The following BLOC1S2 variants were observed in gnomAD, a reference collection of about 807,000 sequenced individuals.
The protein encoded by BLOC1S2 is biogenesis of lysosomal organelles complex 1 subunit 2.
In BLOC1S2, 12 loss-of-function variants were observed where a neutral mutation model predicts 19.6. The ratio of observed to expected loss-of-function variants is 0.61; its 90% CI spans 0.39 to 0.99. The LOEUF (loss-of-function observed/expected upper bound fraction) is 0.99. Ranked by LOEUF, BLOC1S2 falls within the 50% of genes least tolerant of loss-of-function variation. The probability of loss-of-function intolerance (pLI) is 0.00; values close to 1 mark genes in which losing one functional copy is unlikely to be tolerated. For synonymous variants in BLOC1S2, 66 were observed against 64.1 expected, an observed-to-expected ratio of 1.03 and a Z score of -0.14; for missense variants, 142 against 171.0, an observed-to-expected ratio of 0.83 and a Z score of 0.95.
In BLOC1S2 at chr10:100,274,954, T is replaced by C. The variant is rs965775175; in HGVS notation, c.*508A>G. 2.5e-6 allele frequency: 1 copy of C among 398,874 alleles called. No individual in the cohort carries two copies. The highest frequency in any genetic ancestry group is 4.4e-6 in the Non-Finnish European group (1 of 226,116). The allele number at this position is 398,874 out of a possible 1,614,324, so 24.7% of individuals were successfully genotyped here. A position where few individuals can be genotyped will look rare whatever the true frequency, so the allele number is the denominator to read the frequency against. Reference sequence around the variant, plus strand: ...AGATTTTATGTTATTTGCAATATTATGGAAAAGTAAGTTACCGACATTCAC... The same window carrying C: ...AGATTTTATGTTATTTGCAATATTACGGAAAAGTAAGTTACCGACATTCAC... On this transcript the variant is annotated 3_prime_UTR_variant, in exon 5 of 5. Coordinates refer to ENST00000370372, the MANE Select transcript of BLOC1S2 (RefSeq NM_173809.5).
chr10:100,274,272 G>A lies in BLOC1S2; in HGVS notation c.*1190C>T, dbSNP rs1037632110. 6.6e-6 allele frequency: 1 copy of A among 150,454 alleles called. No individual in the cohort carries two copies. Among genetic ancestry groups the A allele is most frequent in the Non-Finnish European group, 1.5e-5 (1 of 68,032 alleles). The allele number at this position is 150,454 out of a possible 1,614,324, so 9.3% of individuals were successfully genotyped here. Reference sequence around the variant, plus strand: ...CTATAAACAAACAAAAAAACACAAGGGACTTGTATGCATAATGAAAGTCTA... The same window carrying A: ...CTATAAACAAACAAAAAAACACAAGAGACTTGTATGCATAATGAAAGTCTA... On this transcript the variant is annotated 3_prime_UTR_variant, in exon 5 of 5. Transcript: ENST00000370372.
At position 100,275,131 on chromosome 10, in the gene BLOC1S2, C is replaced by T. The variant is rs1056489851; in HGVS notation, c.*331G>A. On this transcript the variant is annotated 3_prime_UTR_variant, in exon 5 of 5. Transcript: ENST00000370372. ...TTAAGAAAATAATGTAGTAATCAAC[C>T]ACTACCAGAGAAAATAGGTCCTCTC... The T allele has an allele frequency of 1.0e-4, 42 of 402,922 alleles. No individual in the cohort carries two copies. The highest frequency in any genetic ancestry group is 1.8e-4 in the Non-Finnish European group (42 of 228,516). 25.0% of individuals were successfully genotyped at this position (402,922 alleles called of 1,614,324 possible).
chr10:100,276,317 GTCTCCCTCTCTC>G (rs1564870888), intron 4 of BLOC1S2, among the ~76,000 whole-genome samples: 10 of 78,202 alleles, frequency 1.3e-4, no homozygotes, highest in African/African-American at 2.2e-4. Flanking sequence ...TCCCTCTCCC[GTCTCCCTCTCTC>G]TCTCCCGTCT....
intron 2 of BLOC1S2, among the ~76,000 whole-genome samples, chr10:100,284,569 A>G (rs1848188006): frequency 6.6e-6 from 1 of 152,112 alleles, no homozygotes; most frequent in South Asian, 2.1e-4. Flanking sequence ...ACAGCTCACT[A>G]TAACCTCCAC....
At position 100,273,307 on chromosome 10, in the gene BLOC1S2, G is replaced by T. The variant is rs1847767712; in HGVS notation, c.*2155C>A. 1 of 152,080 alleles carries T rather than the reference G, an allele frequency of 6.6e-6. No individual in the cohort carries two copies. The allele number at this position is 152,080 out of a possible 1,614,324, so 9.4% of individuals were successfully genotyped here. ...GGTGAAGGACATCCCAATAACTCTT[G>T]ATTTAATATTTACACATTATATACA... On this transcript the variant is annotated 3_prime_UTR_variant, in exon 5 of 5. Transcript: ENST00000370372.
chr10:100,280,166 C>T lies in BLOC1S2; in HGVS notation c.355G>A (p.Glu119Lys), dbSNP rs1848067818. The T allele has an allele frequency of 4.3e-6, 7 of 1,613,746 alleles. No homozygotes were observed. The highest frequency in any genetic ancestry group is 5.1e-6 in the Non-Finnish European group (6 of 1,179,794). ...GCATCCAACTTGTAAGCTGCCTGCT[C>T]AAGAGCTGCTACCTGCTCTTCAATG... is the stretch of plus-strand genomic sequence containing the variant. ...NVIEEQVAAL[E>K]QAAYKLDAYS... Residue 119 changes from glutamate to lysine, a missense_variant, in exon 4 of 5, where the codon GAG (glutamate) becomes AAG (lysine). Glu to Lys is a moderately conservative substitution (Grantham distance 56, BLOSUM62 1). This residue lies in a region of BLOC1S2 where 94 missense variants were observed against 141.3 expected (regional missense o/e 0.67). Coordinates refer to ENST00000370372, the MANE Select transcript of BLOC1S2 (RefSeq NM_173809.5).
Position 100,280,224 on chromosome 10 carries a change from A to G in BLOC1S2, c.297T>C (p.Ala99=). The G allele has an allele frequency of 1.9e-6, 3 of 1,601,710 alleles. No individual in the cohort carries two copies. ...RNLKDLNQKY[A]GLQPYLDQIN... ...TCTGATCCAGATAAGGCTGCAGTCC[A>G]GCATCTTTAAAAACAAAGAAAAACT... Residue 99 remains alanine, a synonymous_variant, in exon 4 of 5, where the codon GCT becomes GCC. Transcript: ENST00000370372.
intron 1 of BLOC1S2, 66 bp downstream of exon 1, chr10:100,286,539 C>A: frequency 6.3e-7 from 1 of 1,594,742 alleles, no homozygotes; most frequent in South Asian, 1.1e-5. Flanking sequence ...CACACTCAAC[C>A]TCGCCCACCC....
At chr10:100,286,471 C>G (rs578038639) in intron 1 of BLOC1S2, 134 bp downstream of exon 1, 1 of 1,489,964 alleles carries the variant, frequency 6.7e-7, no homozygotes, top group Non-Finnish European at 9.0e-7. Flanking sequence ...GACAAACACT[C>G]GCGCGCAGCG....
At chr10:100,277,383 C>A (rs1847923330) in intron 4 of BLOC1S2, among the ~76,000 whole-genome samples, 2 of 144,804 alleles carry the variant, frequency 1.4e-5, no homozygotes, top group African/African-American at 5.2e-5. Flanking sequence ...GTGAGGGGCG[C>A]CTCTGCCCGG....
chr10:100,275,362 T>G lies in BLOC1S2; in HGVS notation c.*100A>C, dbSNP rs1436015181. ...CCTGTGATGACCAGCATAATTTCCT[T>G]TTGAGGAATTTTCACAATTCATCAG... is the stretch of plus-strand genomic sequence containing the variant. On this transcript the variant is annotated 3_prime_UTR_variant, in exon 5 of 5. Coordinates refer to ENST00000370372, the MANE Select transcript of BLOC1S2 (RefSeq NM_173809.5). 8.0e-7 allele frequency: 1 copy of G among 1,254,750 alleles called. No individual in the cohort carries two copies. The highest frequency in any genetic ancestry group is 1.1e-6 in the Non-Finnish European group (1 of 892,944). The allele number at this position is 1,254,750 out of a possible 1,614,324, so 77.7% of individuals were successfully genotyped here.
At chr10:100,279,888 A>G (rs983652947) in intron 4 of BLOC1S2, among the ~76,000 whole-genome samples, 2 of 152,218 alleles carry the variant, frequency 1.3e-5, no homozygotes, top group African/African-American at 2.4e-5. Flanking sequence ...CTCAAAAAAA[A>G]CAAACCAAAA....
rs759050926 is a variant in BLOC1S2 at position 100,286,639 on chromosome 10, G to T, written c.21C>A (p.Gly7=). The T allele has an allele frequency of 6.2e-7, 1 of 1,609,562 alleles. No individual in the cohort carries two copies. Among genetic ancestry groups the T allele is most frequent in the East Asian group, 2.2e-5 (1 of 44,802 alleles). ...GCTCATCACTCCGGGTCGCCAGTAC[G>T]CCCTCGGCTGCCGCCGCCATAGCGG... is the stretch of plus-strand genomic sequence containing the variant. The part of the protein sequence containing the change: MAAAAE[G]VLATRSDEPA... Residue 7 remains glycine (G), a synonymous_variant, in exon 1 of 5, where the codon GGC becomes GGA. Coordinates refer to ENST00000370372, the MANE Select transcript of BLOC1S2 (RefSeq NM_173809.5).
Position 100,286,622 on chromosome 10 carries a change from C to T in BLOC1S2, c.38G>A (p.Ser13Asn), listed in dbSNP as rs77802600. The change falls in exon 1 of 5, where the codon AGT (serine) becomes AAT (asparagine). Residue 13 changes from serine (S) to asparagine (N), a missense_variant. Physicochemically the swap from Ser to Asn is conservative, Grantham distance 46. Transcript: ENST00000370372. Reference sequence around the variant, plus strand: ...CCGGGTACCTCGGGCGGGCTCATCACTCCGGGTCGCCAGTACGCCCTCGGC... The same window carrying T: ...CCGGGTACCTCGGGCGGGCTCATCATTCCGGGTCGCCAGTACGCCCTCGGC... ...AAAEGVLATR[S>N]DEPARDDAAV... 1 of 1,612,636 alleles carries T rather than the reference C, an allele frequency of 6.2e-7. No individual in the cohort carries two copies. The highest frequency in any genetic ancestry group is 8.5e-7 in the Non-Finnish European group (1 of 1,179,306).
intron 4 of BLOC1S2, among the ~76,000 whole-genome samples, chr10:100,276,756 G>A (rs1379096902): frequency 2.0e-5 from 3 of 150,380 alleles, no homozygotes; most frequent in African/African-American, 7.3e-5. Flanking sequence ...CGCCAGCCTC[G>A]GCCTCCCGAG....
intron 2 of BLOC1S2, chr10:100,282,908 A>G (rs907633135): frequency 6.0e-5 from 24 of 398,484 alleles, no homozygotes; most frequent in Middle Eastern, 1.2e-3. Flanking sequence ...TCTCTTACCT[A>G]CTTCTAAGCT....
intron 2 of BLOC1S2, chr10:100,282,955 A>T: frequency 5.0e-6 from 2 of 398,558 alleles, no homozygotes; most frequent in Non-Finnish European, 8.8e-6. Context: ...GCGTCCAATC[A>T]CACCACTACG....
chr10:100,280,074 C>T lies in BLOC1S2; in HGVS notation c.397+50G>A, dbSNP rs1345150508. The T allele has an allele frequency of 4.9e-6, 7 of 1,421,064 alleles. No homozygotes were observed. The Admixed American group carries it at 1.0e-4, about 21-fold the overall frequency. The allele number at this position is 1,421,064 out of a possible 1,614,324, so 88.0% of individuals were successfully genotyped here. ...AACTATTATGTTTACTAAGAATATGCTGGCAAGAAGCAGTCTTTATTACAT... is the reference window on the plus strand; with the variant it reads ...AACTATTATGTTTACTAAGAATATGTTGGCAAGAAGCAGTCTTTATTACAT... On this transcript the variant is annotated intron_variant, in intron 4 of 4. Transcript: ENST00000370372.
intron 1 of BLOC1S2, 60 bp downstream of exon 1, chr10:100,286,545 C>T (rs1046979728): frequency 6.2e-7 from 1 of 1,601,596 alleles, no homozygotes; most frequent in African/African-American, 1.3e-5. Context: ...CAACCTCGCC[C>T]ACCCGAGACG....
Sources: allele counts gnomAD v4.1 joint callset (sites outside exome capture counted in the v4.1 genomes callset), GRCh38; gene constraint gnomAD v4.1.1; regional missense constraint gnomAD v4.1.1; transcripts MANE v1.5; gene names NCBI Gene and HGNC (gene_info 2026-07-23, HGNC 2026-07-21).